RNF213: variants seen among roughly 807,000 people sequenced by gnomAD.
RNF213 encodes the protein E3 ubiquitin-protein ligase RNF213.
RNF213 carries 341 observed loss-of-function variants against 514.4 expected under a neutral mutation model. The ratio of observed to expected loss-of-function variants is 0.66; its 90% CI spans 0.61 to 0.73. The LOEUF (loss-of-function observed/expected upper bound fraction) is 0.73, where lower values mean the gene tolerates loss of function less well. RNF213 is among the 30% of genes least tolerant of loss of function. The probability of loss-of-function intolerance (pLI) is 0.00; values close to 1 mark genes in which losing one functional copy is unlikely to be tolerated. For missense variants in RNF213, 5,767 were observed against 6,615.6 expected, an observed-to-expected ratio of 0.87 and a Z score of 4.45; for synonymous variants, 2,655 against 2,658.2, an observed-to-expected ratio of 1.00 and a Z score of 0.04.
chr17:80,374,589 G>A lies in RNF213; in HGVS notation c.13074G>A (p.Lys4358=), dbSNP rs201361301. ...CACTGGGCATTAAGACTGCTCTGAA[G>A]GTAGGATGGGCCCGTGGCTTCTCTC... ...CKPLGIKTAL[K]ACKTPQSQQS... is the part of the protein sequence containing the mutation. Residue 4358 remains lysine (K), a splice_region_variant and synonymous_variant, in exon 50 of 68, where the codon AAG becomes AAA. Transcript: ENST00000582970. 3.8e-5 allele frequency: 61 copies of A among 1,614,064 alleles called. No homozygotes were observed. Among genetic ancestry groups the A allele is most frequent in the Non-Finnish European group, 4.9e-5 (58 of 1,179,942 alleles).
At chr17:80,304,482 T>TA (rs1231078635) in intron 11 of RNF213, among the ~76,000 whole-genome samples, 1 of 151,542 alleles carries the variant, frequency 6.6e-6, no homozygotes, top group African/African-American at 2.4e-5. Context: ...CTACTAAAAA[T>TA]ACAAAAAATG....
At chr17:80,296,137 A>G (rs977476559) in intron 10 of RNF213, among the ~76,000 whole-genome samples, 1 of 152,180 alleles carries the variant, frequency 6.6e-6, no homozygotes, top group Non-Finnish European at 1.5e-5. Flanking sequence ...CTCCTGCTTC[A>G]GCCTCCTTAG....
At chr17:80,306,939 A>G (rs1236689652) in intron 12 of RNF213, among the ~76,000 whole-genome samples, 189 bp from the exon 13 acceptor site, 3 of 152,022 alleles carry the variant, frequency 2.0e-5, no homozygotes, top group Non-Finnish European at 4.4e-5. Context: ...AGAAAATGGT[A>G]TAAGTTTAAA....
chr17:80,324,571 A>G (rs1204277867), intron 17 of RNF213, among the ~76,000 whole-genome samples: 1 of 19,164 alleles, frequency 5.2e-5, no homozygotes, highest in Non-Finnish European at 1.4e-4. Flanking sequence ...TTTGAACCTA[A>G]AGGAAGAAAA....
rs778179934 is a variant in RNF213 at position 80,353,971 on chromosome 17, C to T, written c.10579-48C>T. ...GCATACGGGCGGTTTGGCTTTTGCC[C>T]ACTGTGTCAGTGGCAGAAACGGATG... is the stretch of plus-strand genomic sequence containing the variant. On this transcript the variant is annotated intron_variant, in intron 34 of 67. Coordinates refer to ENST00000582970, the MANE Select transcript of RNF213 (RefSeq NM_001256071.3). This position sits in a 1 kb window ranked among gnomAD's most constrained non-coding sequence, Gnocchi z 5.0. 3.7e-6 allele frequency: 6 copies of T among 1,612,250 alleles called. No homozygotes were observed. The African/African-American group carries it at 6.7e-5, about 18-fold the overall frequency.
chr17:80,268,510 G>A (rs2043687364), intron 2 of RNF213, among the ~76,000 whole-genome samples: 3 of 152,100 alleles, frequency 2.0e-5, no homozygotes, highest in Non-Finnish European at 2.9e-5. Flanking sequence ...TCTTGGGAAT[G>A]AAAATGAATG....
chr17:80,334,194 C>G lies in RNF213; in HGVS notation c.4233C>G (p.Ser1411Arg). 6.5e-7 allele frequency: 1 copy of G among 1,537,240 alleles called. No individual in the cohort carries two copies. The highest frequency in any genetic ancestry group is 2.0e-5 in the Admixed American group (1 of 50,994). ...CCAAAAAGCTGCTCCAGGACATCAG[C>G]GAGGCCCGGTGCAAGGGGCTGCAGG... The part of the protein sequence containing the change: ...IQAKKLLQDI[S>R]EARCKGLQAL... Residue 1411 changes from serine (S) to arginine (R), a missense_variant, in exon 22 of 68, where the codon AGC (serine) becomes AGG (arginine). Coordinates refer to ENST00000582970, the MANE Select transcript of RNF213 (RefSeq NM_001256071.3).
At position 80,375,879 on chromosome 17, in the gene RNF213, C is replaced by A. The variant is rs766500100; in HGVS notation, c.13185+9C>A. 5.2e-6 allele frequency: 8 copies of A among 1,552,154 alleles called. No homozygotes were observed. The highest frequency in any genetic ancestry group is 3.3e-5 in the Admixed American group (2 of 59,954). ...TCCACCCCACGCCAGAGGTGAGTAA[C>A]CGCCTGCAGGGCTGTGTTCAAAGTC... On this transcript the variant is annotated intron_variant, in intron 51 of 67. Transcript: ENST00000582970.
rs2078658020 is a variant in RNF213, at chr17:80,354,524, T to C, written c.10810T>C (p.Leu3604=). ...GAGCCAGTTTCACCCTCTGGAGTGG[T>C]TGGCAAGGGAAGCCTGCAACCAGGA... ...EESQFHPLEW[L]AREACNQDAL... The change falls in exon 36 of 68, where the codon TTG becomes CTG. Residue 3604 remains leucine (L), a synonymous_variant. Coordinates refer to ENST00000582970, the MANE Select transcript of RNF213 (RefSeq NM_001256071.3). 1 of 1,614,156 alleles carries C rather than the reference T, an allele frequency of 6.2e-7. No individual in the cohort carries two copies. Among genetic ancestry groups the C allele is most frequent in the East Asian group, 2.2e-5 (1 of 44,882 alleles).
intron 2 of RNF213, among the ~76,000 whole-genome samples, chr17:80,267,569 AC>A (rs1191853075): frequency 1.3e-5 from 2 of 152,240 alleles, no homozygotes; most frequent in Non-Finnish European, 2.9e-5. Flanking sequence ...CCCTTAAACC[AC>A]AGCCGAATCC....
chr17:80,318,162 G>A (rs1195438194), intron 16 of RNF213, among the ~76,000 whole-genome samples: 2 of 152,138 alleles, frequency 1.3e-5, no homozygotes, highest in African/African-American at 2.4e-5. Flanking sequence ...CAAGTCTGGG[G>A]TCTTTATAGG....
intron 50 of RNF213, 146 bp downstream of exon 50, chr17:80,374,735 G>T: frequency 1.1e-6 from 1 of 941,446 alleles, no homozygotes. Context: ...CGTGCCCACA[G>T]CCTCCAGGGC....
rs1461952743 is a variant in RNF213, at chr17:80,396,550, T to A, written c.*3052T>A. 1 of 152,188 alleles carries A rather than the reference T, an allele frequency of 6.6e-6. No homozygotes were observed. Among genetic ancestry groups the A allele is most frequent in the African/African-American group, 2.4e-5 (1 of 41,448 alleles). The allele number at this position is 152,188 out of a possible 1,614,324, so 9.4% of individuals were successfully genotyped here. A position where few individuals can be genotyped will look rare whatever the true frequency, so the allele number is the denominator to read the frequency against. On this transcript the variant is annotated 3_prime_UTR_variant, in exon 68 of 68. Transcript: ENST00000582970. ...TGATACATAAAGTGTGAAGGTTGCA[T>A]AACTGGGGAGGTGGCTGGAGAAAAC...
At chr17:80,350,601 G>C (rs560815990) in intron 31 of RNF213, among the ~76,000 whole-genome samples, 2 of 152,314 alleles carry the variant, frequency 1.3e-5, no homozygotes, top group Non-Finnish European at 2.9e-5. Flanking sequence ...TACAAAAATA[G>C]TGGAATGGGC....
chr17:80,325,323 G>A, intron 18 of RNF213, 125 bp downstream of exon 18: 5 of 1,008,618 alleles, frequency 5.0e-6, no homozygotes, highest in Non-Finnish European at 7.0e-6. Flanking sequence ...GTTTGACAAA[G>A]GCTGCAGTTT....
At chr17:80,275,786 C>T (rs1361733556) in intron 3 of RNF213, among the ~76,000 whole-genome samples, 5 of 152,028 alleles carry the variant, frequency 3.3e-5, no homozygotes, top group Admixed American at 1.3e-4. Flanking sequence ...CTTCAGCCTC[C>T]GGAGTAGCTG....
At position 80,374,559 on chromosome 17, in the gene RNF213, C is replaced by G. The variant is rs1230038330; in HGVS notation, c.13044C>G (p.Cys4348Trp). 6.2e-7 allele frequency: 1 copy of G among 1,614,066 alleles called. No individual in the cohort carries two copies. Among genetic ancestry groups the G allele is most frequent in the South Asian group, 1.1e-5 (1 of 91,094 alleles). Residue 4348 changes from cysteine (C) to tryptophan (W), a missense_variant, in exon 50 of 68, where the codon TGC becomes TGG. Cys to Trp is a radical substitution (Grantham distance 215). Transcript: ENST00000582970. ...RDAVAKAVLE[C>W]KPLGIKTALK... ...CTGTGGCCAAAGCTGTCCTCGAGTG[C>G]AAGCCACTGGGCATTAAGACTGCTC...
intron 15 of RNF213, chr17:80,315,775 G>GAGGTAATGGAGGTGA (rs2045909684): frequency 1.0e-4 from 4 of 40,158 alleles, no homozygotes; most frequent in African/African-American, 3.4e-4. Context: ...GATGCTGGTG[G>GAGGTAATGGAGGTGA]TGGTGGTGGT....
intron 39 of RNF213, 38 bp downstream of exon 39, chr17:80,361,926 G>C: frequency 1.9e-6 from 3 of 1,597,390 alleles, no homozygotes; most frequent in South Asian, 2.2e-5. Flanking sequence ...CAGGTGTAGA[G>C]CTTGCATGAT....
Sources: allele counts gnomAD v4.1 joint callset (sites outside exome capture counted in the v4.1 genomes callset), GRCh38; gene constraint gnomAD v4.1.1; non-coding constraint Gnocchi (gnomAD v3.1); transcripts MANE v1.5; gene names NCBI Gene and HGNC (gene_info 2026-07-23, HGNC 2026-07-21).